The following HTN3 variants were observed in gnomAD, a reference collection of about 807,000 sequenced individuals.
HTN3 encodes the protein histatin-3.
Under a neutral mutation model 10.6 loss-of-function variants are expected in HTN3, and 15 were observed. The observed-to-expected ratio is 1.42, with a 90% CI of 0.95 to 2.18. The LOEUF is 2.18. Among genes scored for constraint, HTN3 ranks in the 30% most tolerant of loss-of-function variants. The probability of loss-of-function intolerance (pLI) is 0.00; values close to 1 mark genes in which losing one functional copy is unlikely to be tolerated. For missense variants in HTN3, 68 were observed against 58.0 expected, an observed-to-expected ratio of 1.17 and a Z score of -0.56; for synonymous variants, 15 against 16.9, an observed-to-expected ratio of 0.89 and a Z score of 0.27.
intron 5 of HTN3, among the ~76,000 whole-genome samples, chr4:70,034,879 T>A (rs11722332): frequency 6.6e-6 from 1 of 152,020 alleles, no homozygotes; most frequent in African/African-American, 2.4e-5. Context: ...TTAAAAGGAA[T>A]GAGATCCTGT....
At chr4:70,033,302 G>A (rs1725432876) in intron 5 of HTN3, 49 bp downstream of exon 5, 3 of 839,354 alleles carry the variant, frequency 3.6e-6, no homozygotes, top group East Asian at 2.7e-5. Flanking sequence ...AACACTGACA[G>A]TTAAAACAAG....
chr4:70,033,629 A>T (rs1214954901), intron 5 of HTN3: 1 of 153,834 alleles, frequency 6.5e-6, no homozygotes, highest in African/African-American at 2.4e-5. Context: ...TTAAGTACTT[A>T]TTTCTAATCC....
chr4:70,035,508 G>A (rs1725491347), intron 5 of HTN3, among the ~76,000 whole-genome samples: 1 of 152,088 alleles, frequency 6.6e-6, no homozygotes, highest in Admixed American at 6.5e-5. Flanking sequence ...TGTAATCTTT[G>A]GAGAAGCTGC....
rs566701752 is a variant in HTN3 at position 70,028,969 on chromosome 4, C to T, written c.-14+453C>T. Among the ~76,000 whole-genome samples, 6 of 152,108 alleles carry T rather than the reference C, an allele frequency of 3.9e-5. 1 individual carries two copies. The highest frequency in any genetic ancestry group is 1.4e-4 in the African/African-American group (6 of 41,550). On this transcript the variant is annotated intron_variant, in intron 1 of 5. Coordinates refer to ENST00000673563, the MANE Select transcript of HTN3 (RefSeq NM_000200.3). ...ATTACTTTTTCATTGGCCTTTCCAT[C>T]ATTAAAAACAGTTCTGTTATAAATC...
intron 1 of HTN3, among the ~76,000 whole-genome samples, chr4:70,029,108 T>C (rs1035096220): frequency 2.0e-5 from 3 of 152,036 alleles, no homozygotes; most frequent in African/African-American, 4.8e-5. Flanking sequence ...ATTTTTATTA[T>C]TGATTTACTC....
At chr4:70,032,451 A>T (rs1725407254) in intron 4 of HTN3, among the ~76,000 whole-genome samples, 1 of 152,064 alleles carries the variant, frequency 6.6e-6, no homozygotes, top group Non-Finnish European at 1.5e-5. Flanking sequence ...TGCCTAATGA[A>T]GCATAGAGGC....
intron 5 of HTN3, among the ~76,000 whole-genome samples, chr4:70,035,584 G>T (rs1021068458): frequency 3.9e-5 from 6 of 152,086 alleles, no homozygotes; most frequent in Admixed American, 3.9e-4. Context: ...AATGAGCAAT[G>T]GCTATAGGAA....
intron 4 of HTN3, among the ~76,000 whole-genome samples, chr4:70,032,921 T>C (rs549013701): frequency 7.5e-4 from 114 of 152,226 alleles, no homozygotes; most frequent in African/African-American, 2.5e-3. Context: ...TAATCAGTGT[T>C]CCAACATTTA....
At chr4:70,035,082 G>C (rs151185405) in intron 5 of HTN3, among the ~76,000 whole-genome samples, 5 of 152,256 alleles carry the variant, frequency 3.3e-5, no homozygotes, top group Non-Finnish European at 7.4e-5. Context: ...CTGATCAATA[G>C]TGCAGCAAAC....
rs34240772 is a variant in HTN3, at chr4:70,033,263, CTCTAGTTACTTTTCTT to C, written c.*33+16_*33+31del. ...GGGCATGATTATGGAGGTAAGCTGA[CTCTAGTTACTTTTCTT>C]TCTAGAAGTATCAACACTGACAGTT... On this transcript the variant is annotated intron_variant, in intron 5 of 5. Coordinates refer to ENST00000673563, the MANE Select transcript of HTN3 (RefSeq NM_000200.3). 3,895 of 1,234,806 alleles carry C rather than the reference CTCTAGTTACTTTTCTT, an allele frequency of 3.2e-3. 87 individuals are homozygous for C. In the African/African-American group the frequency reaches 0.053, roughly 17 times the overall value. The allele number at this position is 1,234,806 out of a possible 1,614,324, so 76.5% of individuals were successfully genotyped here. A position where few individuals can be genotyped will look rare whatever the true frequency, so the allele number is the denominator to read the frequency against.
chr4:70,033,448 C>G, intron 5 of HTN3, 195 bp downstream of exon 5: 1 of 431,618 alleles, frequency 2.3e-6, no homozygotes, highest in Non-Finnish European at 4.1e-6. Context: ...TCTGAGGTCT[C>G]TGTTCTGTTC....
intron 5 of HTN3, chr4:70,034,327 C>T (rs886588158): frequency 6.6e-6 from 1 of 152,044 alleles, no homozygotes; most frequent in African/African-American, 2.4e-5. Flanking sequence ...GGTGTAGTGT[C>T]CAGAGTCTAC....
intron 5 of HTN3, 84 bp downstream of exon 5, chr4:70,033,337 G>A (rs1032138101): frequency 4.1e-5 from 27 of 657,406 alleles, no homozygotes; most frequent in Non-Finnish European, 5.2e-5. Context: ...AAGCCATTAA[G>A]CCAACAATCA....
At chr4:70,035,996 T>A (rs1333412200) in intron 5 of HTN3, among the ~76,000 whole-genome samples, 1 of 151,412 alleles carries the variant, frequency 6.6e-6, no homozygotes, top group Non-Finnish European at 1.5e-5. Flanking sequence ...TATATTTAAG[T>A]GAGAGAATAA....
At chr4:70,028,768 A>G (rs1050922526) in intron 1 of HTN3, among the ~76,000 whole-genome samples, 5 of 152,116 alleles carry the variant, frequency 3.3e-5, no homozygotes, top group African/African-American at 9.7e-5. Flanking sequence ...TGGGACCTCA[A>G]TGAACTCTTT....
rs780767234 is a variant in HTN3 at position 70,036,283 on chromosome 4, C to T, written c.*50C>T. 1 of 152,108 alleles carries T rather than the reference C, an allele frequency of 6.6e-6. No individual in the cohort carries two copies. The highest frequency in any genetic ancestry group is 2.1e-4 in the South Asian group (1 of 4,824). 9.4% of individuals were successfully genotyped at this position (152,108 alleles called of 1,614,324 possible). A position where few individuals can be genotyped will look rare whatever the true frequency, so the allele number is the denominator to read the frequency against. On this transcript the variant is annotated 3_prime_UTR_variant, in exon 6 of 6. Coordinates refer to ENST00000673563, the MANE Select transcript of HTN3 (RefSeq NM_000200.3). ...TCTTCATAGGTTTGACTGGCAAATT[C>T]GCTTTGGACTCGTGTATTCTCATTT...
chr4:70,036,315 C>T lies in HTN3; in HGVS notation c.*82C>T, dbSNP rs1725515594. Reference sequence around the variant, plus strand: ...GACTCGTGTATTCTCATTTGTCATACCGCATCACACTACCACTGCTTTTTG... The same window carrying T: ...GACTCGTGTATTCTCATTTGTCATATCGCATCACACTACCACTGCTTTTTG... On this transcript the variant is annotated 3_prime_UTR_variant, in exon 6 of 6. Coordinates refer to ENST00000673563, the MANE Select transcript of HTN3 (RefSeq NM_000200.3). 6.6e-6 allele frequency: 1 copy of T among 152,178 alleles called. No homozygotes were observed. The highest frequency in any genetic ancestry group is 2.1e-4 in the South Asian group (1 of 4,830). 9.4% of individuals were successfully genotyped at this position (152,178 alleles called of 1,614,324 possible).
At chr4:70,033,114 C>A in intron 4 of HTN3, 53 bp from the exon 5 acceptor site, 1 of 1,314,626 alleles carries the variant, frequency 7.6e-7, no homozygotes, top group Non-Finnish European at 1.1e-6. Flanking sequence ...AGCATTTTTA[C>A]TGTCATTGCC....
At chr4:70,034,391 A>G (rs1083127) in intron 5 of HTN3, 146,794 of 152,300 alleles carry the variant, frequency 0.96, 70,778 homozygotes, top group South Asian at 0.99. Flanking sequence ...CTAAAAGTGG[A>G]CAAAGGATAT....
Sources: gnomAD v4.1 joint callset for allele counts (sites outside exome capture counted in the v4.1 genomes callset) on GRCh38, gnomAD v4.1.1 for gene constraint, MANE v1.5 for transcripts, NCBI Gene and HGNC (gene_info 2026-07-23, HGNC 2026-07-21) for gene names.